The following LRRIQ4 variants were observed in gnomAD, a reference collection of about 807,000 sequenced individuals.
LRRIQ4 encodes leucine rich repeats and IQ motif containing 4.
Under a neutral mutation model 40.1 loss-of-function variants are expected in LRRIQ4, and 21 were observed. The observed-to-expected ratio is 0.52, with a 90% CI of 0.37 to 0.75. The LOEUF is 0.75. Among genes scored for constraint, LRRIQ4 ranks in the 30% least tolerant of loss-of-function variants. The probability of loss-of-function intolerance (pLI) is 0.00; values close to 1 mark genes in which losing one functional copy is unlikely to be tolerated. For synonymous variants in LRRIQ4, 277 were observed against 277.1 expected (o/e 1.00, Z 0.00); for missense variants, 655 against 660.0 (o/e 0.99, Z 0.08).
chr3:169,826,160 G>A (rs148616224), intron 2 of LRRIQ4, among the ~76,000 whole-genome samples: 1 of 152,288 alleles, frequency 6.6e-6, no homozygotes, highest in Non-Finnish European at 1.5e-5. Context: ...GGGAGGATGA[G>A]GCGAGTGGAT....
rs1780339080 is a variant in LRRIQ4, at chr3:169,837,616, G to A, written c.1668G>A (p.Lys556=). ...GKKDVKGKPG[K]GKKK is the part of the protein sequence containing the mutation. ...AGGATGTAAAAGGAAAACCAGGAAA[G>A]GGAAAAAAGAAATAATCCTGTAAAT... The change falls in exon 6 of 6, where the codon AAG becomes AAA. Residue 556 remains lysine, a synonymous_variant. Coordinates refer to ENST00000340806, the MANE Select transcript of LRRIQ4 (RefSeq NM_001080460.3). The A allele has an allele frequency of 3.8e-6, 6 of 1,573,756 alleles. No individual in the cohort carries two copies. Among genetic ancestry groups the A allele is most frequent in the East Asian group, 4.6e-5 (2 of 43,810 alleles).
At chr3:169,833,542 G>C (rs950615255) in intron 5 of LRRIQ4, among the ~76,000 whole-genome samples, 1 of 152,174 alleles carries the variant, frequency 6.6e-6, no homozygotes, top group African/African-American at 2.4e-5. Flanking sequence ...AAATGAAAGC[G>C]TTTATAGATG....
Position 169,822,157 on chromosome 3 carries a change from A to T in LRRIQ4, c.236A>T (p.Asp79Val), listed in dbSNP as rs1309878277. ...RLKNIRVLYL[D>V]KNNLRSLCPA... ...AAGAACATCAGGGTCCTCTACCTGG[A>T]TAAGAACAACCTGAGGAGCCTGTGC... The change falls in exon 2 of 6, where the codon GAT becomes GTT. Residue 79 changes from aspartate to valine, a missense_variant. Transcript: ENST00000340806. 1 of 1,612,478 alleles carries T rather than the reference A, an allele frequency of 6.2e-7. No individual in the cohort carries two copies. The highest frequency in any genetic ancestry group is 1.3e-5 in the African/African-American group (1 of 74,908).
Position 169,833,030 on chromosome 3 carries a change from T to A in LRRIQ4, c.1377T>A (p.Leu459=). The change falls in exon 5 of 6, where the codon CTT becomes CTA. Residue 459 remains leucine, a synonymous_variant. Transcript: ENST00000340806. ...TGGAGGACAACTTGCTCACCCATCT[T>A]CCAGAGAATTTGGATTCCCTAGTGA... ...LRLEDNLLTH[L]PENLDSLVNL... 1 of 1,613,554 alleles carries A rather than the reference T, an allele frequency of 6.2e-7. No individual in the cohort carries two copies.
intron 2 of LRRIQ4, among the ~76,000 whole-genome samples, chr3:169,824,493 A>G (rs757380079): frequency 1.3e-5 from 2 of 151,862 alleles, no homozygotes; most frequent in African/African-American, 4.8e-5. Context: ...TATTTATTTC[A>G]ATTTTAATTT....
chr3:169,836,827 A>G (rs1247771637), intron 5 of LRRIQ4, among the ~76,000 whole-genome samples: 1 of 152,134 alleles, frequency 6.6e-6, no homozygotes, highest in Admixed American at 6.5e-5. Context: ...AGCAGGGAGG[A>G]GGCCCGCATG....
In LRRIQ4 at chr3:169,822,112, C is replaced by T. The variant is rs1409956519; in HGVS notation, c.191C>T (p.Pro64Leu). The change falls in exon 2 of 6, where the codon CCC becomes CTC. Residue 64 changes from proline (P) to leucine (L), a missense_variant. By Grantham distance (98) the Pro-to-Leu change is moderately conservative. Coordinates refer to ENST00000340806, the MANE Select transcript of LRRIQ4 (RefSeq NM_001080460.3). The stretch of plus-strand genomic sequence containing the variant: ...GAGAATAACCAGATTGAAGAAATTC[C>T]CCAGGAGATTCAGCGTTTAAAGAAC... ...HLENNQIEEI[P>L]QEIQRLKNIR... 2 of 1,611,644 alleles carry T rather than the reference C, an allele frequency of 1.2e-6. No homozygotes were observed. The highest frequency in any genetic ancestry group is 1.7e-6 in the Non-Finnish European group (2 of 1,179,400).
intron 1 of LRRIQ4, among the ~76,000 whole-genome samples, chr3:169,814,629 G>A (rs1212449210): frequency 3.3e-5 from 5 of 152,240 alleles, no homozygotes; most frequent in Non-Finnish European, 7.3e-5. Flanking sequence ...GGGATTACAG[G>A]CGCCCCCCAC....
intron 5 of LRRIQ4, 72 bp from the exon 6 acceptor site, chr3:169,837,407 T>C (rs763567273): frequency 7.7e-5 from 113 of 1,475,090 alleles, no homozygotes; most frequent in Non-Finnish European, 8.8e-5. Context: ...TGTATCAGAA[T>C]AAAGAGATTT....
At chr3:169,825,825 A>G (rs1780028566) in intron 2 of LRRIQ4, among the ~76,000 whole-genome samples, 2 of 151,992 alleles carry the variant, frequency 1.3e-5, no homozygotes, top group African/African-American at 4.8e-5. Flanking sequence ...TTTCCTCTTC[A>G]GTTATTCTGA....
Position 169,822,275 on chromosome 3 carries a change from C to T in LRRIQ4, c.354C>T (p.His118=), listed in dbSNP as rs776478957. 6 of 1,612,592 alleles carry T rather than the reference C, an allele frequency of 3.7e-6. No homozygotes were observed. Among genetic ancestry groups the T allele is most frequent in the African/African-American group, 2.7e-5 (2 of 74,998 alleles). ...SSSLVVVSFL[H]ALRELRLYQT... ...CCCTTGTCGTTGTCAGCTTCCTCCA[C>T]GCCCTGCGCGAGCTCCGGCTCTACC... The change falls in exon 2 of 6, where the codon CAC becomes CAT. Residue 118 remains histidine, a synonymous_variant. Coordinates refer to ENST00000340806, the MANE Select transcript of LRRIQ4 (RefSeq NM_001080460.3).
At chr3:169,833,924 T>A (rs1780244427) in intron 5 of LRRIQ4, among the ~76,000 whole-genome samples, 1 of 152,216 alleles carries the variant, frequency 6.6e-6, no homozygotes, top group Non-Finnish European at 1.5e-5. Context: ...ATGTCCTCCC[T>A]TTTATGATAA....
chr3:169,822,024 C>T lies in LRRIQ4; in HGVS notation c.103C>T (p.Gln35Ter), dbSNP rs61738871. The T allele has an allele frequency of 1.9e-6, 3 of 1,597,736 alleles. No individual in the cohort carries two copies. The highest frequency in any genetic ancestry group is 8.5e-7 in the Non-Finnish European group (1 of 1,174,692). ...AACATTTTTCATTGATGCCTCTAAT[C>T]AGAGCTTGACTGCCATTCCTTTGGA... is the stretch of plus-strand genomic sequence containing the variant. ...DRTFFIDASNQSLTAIPLEIF... is the reference protein window; with the variant it reads ...DRTFFIDASN Residue 35 changes from glutamine to a stop codon, truncating the protein, a stop_gained, in exon 2 of 6, where the codon CAG becomes TAG. Transcript: ENST00000340806. LOFTEE classifies it high-confidence loss of function.
rs373002856 is a variant in LRRIQ4, at chr3:169,822,353, C to A, written c.432C>A (p.Leu144=). The change falls in exon 2 of 6, where the codon CTC becomes CTA. Residue 144 remains leucine (L), a synonymous_variant. Transcript: ENST00000340806. ...TCATCTTTAAAAACCTCCACCATCT[C>A]GAGCTGCTCGGACTGACCGGAAACC... is the stretch of plus-strand genomic sequence containing the variant. ...PVVIFKNLHH[L]ELLGLTGNHL... is the part of the protein sequence containing the mutation. 7 of 1,613,428 alleles carry A rather than the reference C, an allele frequency of 4.3e-6. No individual in the cohort carries two copies. Among genetic ancestry groups the A allele is most frequent in the Non-Finnish European group, 5.9e-6 (7 of 1,179,680 alleles).
At chr3:169,830,752 T>G in intron 4 of LRRIQ4, 122 bp downstream of exon 4, 1 of 1,227,850 alleles carries the variant, frequency 8.1e-7, no homozygotes, top group South Asian at 1.5e-5. Context: ...TCTATCCCAT[T>G]ACTTCCTTGC....
At chr3:169,831,434 C>T (rs376952502) in intron 4 of LRRIQ4, among the ~76,000 whole-genome samples, 2,327 of 122,714 alleles carry the variant, frequency 0.019, 60 homozygotes, top group African/African-American at 0.059. Flanking sequence ...CCACCACGCC[C>T]GGCTAATTTT....
Position 169,822,876 on chromosome 3 carries a change from C to A in LRRIQ4, c.955C>A (p.Pro319Thr), listed in dbSNP as rs747415350. Reference protein sequence around the residue: ...DLSQNHLHHCPLQICALKNLE... With the variant: ...DLSQNHLHHCTLQICALKNLE... ...AAGCCAGAACCATCTGCACCACTGCCCGCTGCAGATCTGTGCACTGAAGAA... is the reference window on the plus strand; with the variant it reads ...AAGCCAGAACCATCTGCACCACTGCACGCTGCAGATCTGTGCACTGAAGAA... The change falls in exon 2 of 6, where the codon CCG (proline) becomes ACG (threonine). Residue 319 changes from proline (P) to threonine (T), a missense_variant. Transcript: ENST00000340806. The A allele has an allele frequency of 6.2e-7, 1 of 1,605,306 alleles. No homozygotes were observed. The highest frequency in any genetic ancestry group is 1.3e-5 in the African/African-American group (1 of 74,878).
At chr3:169,814,347 G>A (rs1487109422) in intron 1 of LRRIQ4, among the ~76,000 whole-genome samples, 2 of 152,132 alleles carry the variant, frequency 1.3e-5, no homozygotes, top group East Asian at 3.8e-4. Flanking sequence ...ACCTGGCAGC[G>A]TCCGCTGGTG....
chr3:169,835,590 C>G (rs1780287378), intron 5 of LRRIQ4, among the ~76,000 whole-genome samples: 1 of 152,038 alleles, frequency 6.6e-6, no homozygotes. Context: ...CCTATCCATG[C>G]CTGCACACTG....
Sources: allele counts gnomAD v4.1 joint callset (sites outside exome capture counted in the v4.1 genomes callset), GRCh38; gene constraint gnomAD v4.1.1; transcripts MANE v1.5; gene names NCBI Gene and HGNC (gene_info 2026-07-23, HGNC 2026-07-21).